SBNO1: variants seen among roughly 807,000 people sequenced by gnomAD.
SBNO1 encodes the protein strawberry notch homolog 1.
Under a neutral mutation model 173.6 loss-of-function variants are expected in SBNO1, and 23 were observed. The observed-to-expected ratio is 0.13, with a 90% confidence interval of 0.10 to 0.19. SBNO1 has a LOEUF of 0.19. Among genes scored for constraint, SBNO1 ranks in the 10% least tolerant of loss-of-function variants. The pLI is 1.00. For synonymous variants in SBNO1, 632 were observed against 571.5 expected, an observed-to-expected ratio of 1.11 and a Z score of -1.51; for missense variants, 1,238 against 1,671.2, an observed-to-expected ratio of 0.74 and a Z score of 4.52.
intron 5 of SBNO1, among the ~76,000 whole-genome samples, chr12:123,337,075 T>G (rs1285890429): frequency 6.6e-6 from 1 of 152,278 alleles, no homozygotes; most frequent in East Asian, 1.9e-4. Context: ...ACAGAAAAAT[T>G]TACTTCAGAC....
chr12:123,305,339 T>G (rs1442819422), intron 28 of SBNO1, among the ~76,000 whole-genome samples: 1 of 152,148 alleles, frequency 6.6e-6, no homozygotes, highest in Non-Finnish European at 1.5e-5. Flanking sequence ...GATCACATGA[T>G]AAAGTGTTCT....
chr12:123,296,596 C>T (rs1203840113), intron 31 of SBNO1, among the ~76,000 whole-genome samples: 12 of 147,300 alleles, frequency 8.1e-5, no homozygotes, highest in Non-Finnish European at 1.3e-4. Flanking sequence ...GAGTATTGCT[C>T]TGTCGCCAGG....
intron 20 of SBNO1, among the ~76,000 whole-genome samples, chr12:123,319,495 T>C (rs1869705947): frequency 6.6e-6 from 1 of 151,980 alleles, no homozygotes; most frequent in South Asian, 2.1e-4. Flanking sequence ...GCAACCTGCA[T>C]AGCCCAGGGT....
chr12:123,322,169 G>A (rs1870054638), intron 16 of SBNO1, among the ~76,000 whole-genome samples: 1 of 152,184 alleles, frequency 6.6e-6, no homozygotes, highest in Admixed American at 6.6e-5. Context: ...GGGCCTCACT[G>A]TTGCCCAGGC....
chr12:123,316,327 CG>C (rs1869264054), intron 21 of SBNO1, among the ~76,000 whole-genome samples: 1 of 152,018 alleles, frequency 6.6e-6, no homozygotes. Flanking sequence ...CGGGTTCAAG[CG>C]ATTCTCCTAC....
At chr12:123,342,559 G>A (rs76725288) in intron 4 of SBNO1, among the ~76,000 whole-genome samples, 13,375 of 152,224 alleles carry the variant, frequency 0.088, 1,650 homozygotes, top group African/African-American at 0.28. Context: ...ATTATTTCTA[G>A]AAGAAGAAAA....
In SBNO1 at chr12:123,304,395, G is replaced by A. The variant is rs2048864769; in HGVS notation, c.3768+187C>T. 12 of 446,268 alleles carry A rather than the reference G, an allele frequency of 2.7e-5. No individual in the cohort carries two copies. The East Asian group carries it at 5.6e-4, about 21-fold the overall frequency. The allele number at this position is 446,268 out of a possible 1,614,324, so 27.6% of individuals were successfully genotyped here. Reference sequence around the variant, plus strand: ...AATTACAGGTATGCATCACCATCCTGGGATAATATTTTGCATTTTTAGTAG... The same window carrying A: ...AATTACAGGTATGCATCACCATCCTAGGATAATATTTTGCATTTTTAGTAG... On this transcript the variant is annotated intron_variant, in intron 29 of 31. Transcript: ENST00000602398.
chr12:123,322,518 G>C (rs560207762), intron 16 of SBNO1, among the ~76,000 whole-genome samples: 20 of 151,916 alleles, frequency 1.3e-4, no homozygotes, highest in Middle Eastern at 3.4e-3. Context: ...GGCTGGTCTC[G>C]AACTCCTGAC....
rs111252189 is a variant in SBNO1, at chr12:123,345,833, C to A, written c.238-263G>T. Among the ~76,000 whole-genome samples the A allele has an allele frequency of 1.5e-4, 23 of 152,148 alleles. 1 individual carries two copies. The highest frequency in any genetic ancestry group is 5.3e-4 in the African/African-American group (22 of 41,516). ...TACAGGTGCACACCACCATGCCCGGCAAATTTTTTTTAGAGATAAGAGTCT... is the reference window on the plus strand; with the variant it reads ...TACAGGTGCACACCACCATGCCCGGAAAATTTTTTTTAGAGATAAGAGTCT... On this transcript the variant is annotated intron_variant, in intron 3 of 31. Transcript: ENST00000602398.
intron 5 of SBNO1, 48 bp from the exon 6 acceptor site, chr12:123,336,539 GC>G: frequency 8.1e-7 from 1 of 1,233,426 alleles, no homozygotes; most frequent in Non-Finnish European, 1.2e-6. Context: ...GGGACCAGAC[GC>G]CCAGCCAACA....
rs2048491552 is a variant in SBNO1, at chr12:123,290,208, T to A, written c.*5700A>T. The A allele has an allele frequency of 6.6e-6, 1 of 152,092 alleles. No homozygotes were observed. The highest frequency in any genetic ancestry group is 1.9e-4 in the East Asian group (1 of 5,174). 9.4% of individuals were successfully genotyped at this position (152,092 alleles called of 1,614,324 possible). A position where few individuals can be genotyped will look rare whatever the true frequency, so the allele number is the denominator to read the frequency against. On this transcript the variant is annotated 3_prime_UTR_variant, in exon 32 of 32. Transcript: ENST00000602398. The stretch of plus-strand genomic sequence containing the variant: ...CCAGAGGGAGACTGAGCAAGGAGGG[T>A]CTGCGTGGAGGATGCACACTGGAGG...
chr12:123,327,857 C>T (rs1001560478), intron 11 of SBNO1, 35 bp downstream of exon 11: 1 of 1,587,026 alleles, frequency 6.3e-7, no homozygotes, highest in Admixed American at 1.7e-5. Context: ...AAAAAATAAC[C>T]TACAATATAT....
chr12:123,334,111 G>A lies in SBNO1; in HGVS notation c.851C>T (p.Thr284Ile), dbSNP rs763715860. 1 of 1,605,740 alleles carries A rather than the reference G, an allele frequency of 6.2e-7. No homozygotes were observed. The highest frequency in any genetic ancestry group is 8.5e-7 in the Non-Finnish European group (1 of 1,176,738). Residue 284 changes from threonine to isoleucine, a missense_variant, in exon 7 of 32, where the codon ACC becomes ATC. Physicochemically the swap from Thr to Ile is moderately conservative, Grantham distance 89. This residue lies in a region of SBNO1 where 78 missense variants were observed against 103.3 expected (regional missense o/e 0.76). Coordinates refer to ENST00000602398, the MANE Select transcript of SBNO1 (RefSeq NM_001167856.3). ...TGCTGATAACCAGCCATTATCAATG[G>A]TTTCCTCAGAAATGGATGTTTTGTA... ...VWYKTSISEE[T>I]IDNGWLSALQ...
intron 5 of SBNO1, among the ~76,000 whole-genome samples, chr12:123,339,560 AG>A (rs1253515712): frequency 6.6e-6 from 1 of 151,988 alleles, no homozygotes. Flanking sequence ...GCCGAGCTGG[AG>A]GGATCACTTG....
At chr12:123,335,325 G>A (rs1270167020) in intron 6 of SBNO1, among the ~76,000 whole-genome samples, 1 of 152,190 alleles carries the variant, frequency 6.6e-6, no homozygotes, top group African/African-American at 2.4e-5. Flanking sequence ...TGTAATCCTA[G>A]CTACTCAAGA....
chr12:123,345,696 T>C (rs1721623600), intron 3 of SBNO1, 126 bp from the exon 4 acceptor site: 6 of 815,960 alleles, frequency 7.4e-6, no homozygotes, highest in African/African-American at 3.5e-5. Flanking sequence ...TTTTTTTTCT[T>C]TGAAGCAGTC....
intron 6 of SBNO1, among the ~76,000 whole-genome samples, chr12:123,334,471 G>T (rs1028735217): frequency 6.6e-6 from 1 of 152,350 alleles, no homozygotes; most frequent in Non-Finnish European, 1.5e-5. Flanking sequence ...ACTTTGGGGG[G>T]CCAAGGTGGA....
chr12:123,336,016 T>G (rs1481960837), intron 6 of SBNO1, among the ~76,000 whole-genome samples: 1 of 152,088 alleles, frequency 6.6e-6, no homozygotes, highest in Non-Finnish European at 1.5e-5. Flanking sequence ...AGTGAAAATT[T>G]TATGCAAATA....
chr12:123,315,767 TAAACAATA>T (rs1307272944), intron 21 of SBNO1, 107 bp from the exon 22 acceptor site: 3 of 650,590 alleles, frequency 4.6e-6, no homozygotes, highest in Non-Finnish European at 8.2e-6. Context: ...GGGAAACCAC[TAAACAATA>T]AAAATTACAG....
Sources: gnomAD v4.1 joint callset for allele counts (sites outside exome capture counted in the v4.1 genomes callset) on GRCh38, gnomAD v4.1.1 for gene constraint, gnomAD v4.1.1 regional missense constraint, MANE v1.5 for transcripts, NCBI Gene and HGNC (gene_info 2026-07-23, HGNC 2026-07-21) for gene names.